Variants in SEMA3C observed in about 807,000 individuals in gnomAD.
SEMA3C encodes semaphorin-3C.
SEMA3C carries 47 observed loss-of-function variants against 89.4 expected under a neutral mutation model. That is an observed-to-expected ratio of 0.53 (90% CI 0.42 to 0.67). The LOEUF is 0.67. Ranked by LOEUF, SEMA3C falls within the 30% of genes least tolerant of loss-of-function variation. The pLI is 0.00. For synonymous variants in SEMA3C, 310 were observed against 320.2 expected (o/e 0.97, Z 0.34); for missense variants, 839 against 929.1 (o/e 0.90, Z 1.26).
intron 2 of SEMA3C, among the ~76,000 whole-genome samples, chr7:80,871,918 C>T (rs1318901539): frequency 6.6e-6 from 1 of 151,954 alleles, no homozygotes; most frequent in South Asian, 2.1e-4. Flanking sequence ...CCATAAAATG[C>T]ATTACATAGT....
intron 2 of SEMA3C, among the ~76,000 whole-genome samples, chr7:80,897,242 T>C (rs906802363): frequency 7.2e-5 from 11 of 152,236 alleles, no homozygotes; most frequent in Admixed American, 6.5e-5. Context: ...GGAAACATTG[T>C]ATTTGGGAAT....
intron 2 of SEMA3C, among the ~76,000 whole-genome samples, chr7:80,849,530 T>A (rs774419840): frequency 6.6e-6 from 1 of 152,144 alleles, no homozygotes; most frequent in Non-Finnish European, 1.5e-5. Context: ...ATATATTAGA[T>A]AATGATGCAC....
At chr7:80,836,672 C>T (rs145143946) in intron 2 of SEMA3C, among the ~76,000 whole-genome samples, 12 of 146,660 alleles carry the variant, frequency 8.2e-5, no homozygotes, top group South Asian at 2.2e-4. Flanking sequence ...AGGGAGACTC[C>T]ATCTCAAAAA....
chr7:80,751,367 G>A (rs761798296), intron 15 of SEMA3C, 31 bp from the exon 16 acceptor site: 4 of 1,585,488 alleles, frequency 2.5e-6, no homozygotes, highest in African/African-American at 2.7e-5. Flanking sequence ...AAAAGTGACT[G>A]AGAATTATCA....
At position 80,758,377 on chromosome 7, in the gene SEMA3C, C is replaced by A. The variant is rs746317852; in HGVS notation, c.1597G>T (p.Ala533Ser). The change falls in exon 15 of 18, where the codon GCC (alanine) becomes TCC (serine). Residue 533 changes from alanine (A) to serine (S), a missense_variant. Transcript: ENST00000265361. Reference protein sequence around the residue: ...DCCLARDPYCAWDGHSCSRFY... With the variant: ...DCCLARDPYCSWDGHSCSRFY... ...CTGGAACAGGAATGGCCATCCCAGG[C>A]GCAATAAGGGTCCCGCGCCAGGCAG... 11 of 1,613,834 alleles carry A rather than the reference C, an allele frequency of 6.8e-6. No homozygotes were observed. The highest frequency in any genetic ancestry group is 4.5e-5 in the East Asian group (2 of 44,894).
intron 12 of SEMA3C, among the ~76,000 whole-genome samples, chr7:80,772,622 T>C (rs1788459163): frequency 6.6e-6 from 1 of 152,090 alleles, no homozygotes. Context: ...CTAATCATCT[T>C]CCCAAGAGTG....
rs897692175 is a variant in SEMA3C at position 80,766,454 on chromosome 7, A to G, written c.1355-1211T>C. 4.6e-5 allele frequency among the ~76,000 whole-genome samples: 7 copies of G among 152,300 alleles called. No homozygotes were observed. The East Asian group carries it at 1.4e-3, about 29-fold the overall frequency. On this transcript the variant is annotated intron_variant, in intron 12 of 17. Transcript: ENST00000265361. ...TCCGCAGGCATACGCCGGGTAAATG[A>G]CTTTGTAACTTTACTTCATCTTCTT... is the stretch of plus-strand genomic sequence containing the variant.
intron 2 of SEMA3C, among the ~76,000 whole-genome samples, chr7:80,833,619 T>C (rs1359880892): frequency 1.1e-3 from 169 of 152,308 alleles, no homozygotes; most frequent in Non-Finnish European, 4.4e-5. Context: ...TTTAATTACC[T>C]ATGGCTTACT....
At chr7:80,892,258 T>C (rs185319967) in intron 2 of SEMA3C, among the ~76,000 whole-genome samples, 1 of 152,174 alleles carries the variant, frequency 6.6e-6, no homozygotes, top group Non-Finnish European at 1.5e-5. Context: ...TAATGTTTTA[T>C]AATTAAAAGT....
rs578105032 is a variant in SEMA3C, at chr7:80,788,051, A to T, written c.1354+1255T>A. ...AGATATGGGGTTTTCAAGAATAAAA[A>T]AAGGATAAAATAAAAACCTTATCTT... On this transcript the variant is annotated intron_variant, in intron 12 of 17. Coordinates refer to ENST00000265361, the MANE Select transcript of SEMA3C (RefSeq NM_006379.5). Among the ~76,000 whole-genome samples, 203 of 152,340 alleles carry T rather than the reference A, an allele frequency of 1.3e-3. 1 individual carries two copies. Among genetic ancestry groups the T allele is most frequent in the African/African-American group, 4.3e-3 (177 of 41,584 alleles).
intron 2 of SEMA3C, among the ~76,000 whole-genome samples, chr7:80,873,731 G>T (rs571460862): frequency 2.2e-3 from 340 of 152,220 alleles, no homozygotes; most frequent in African/African-American, 7.6e-3. Flanking sequence ...TTTCGTTTTT[G>T]ATTTTAAGTG....
At chr7:80,842,141 A>G (rs1790284134) in intron 2 of SEMA3C, among the ~76,000 whole-genome samples, 1 of 152,164 alleles carries the variant, frequency 6.6e-6, no homozygotes. Flanking sequence ...ACATAGTAAT[A>G]GAGCCACCCT....
intron 16 of SEMA3C, among the ~76,000 whole-genome samples, chr7:80,750,784 T>C (rs1191381092): frequency 6.6e-6 from 1 of 151,830 alleles, no homozygotes; most frequent in Non-Finnish European, 1.5e-5. Flanking sequence ...TAGTTTCAGT[T>C]GGGGAAGATG....
At chr7:80,887,211 C>A (rs1791504454) in intron 2 of SEMA3C, among the ~76,000 whole-genome samples, 1 of 152,050 alleles carries the variant, frequency 6.6e-6, no homozygotes, top group African/African-American at 2.4e-5. Flanking sequence ...TAAGTGTCTG[C>A]AAAGTTTTAA....
Position 80,835,000 on chromosome 7 carries a change from C to T in SEMA3C, c.104-6255G>A, listed in dbSNP as rs1346175540. Among the ~76,000 whole-genome samples, 5 of 151,912 alleles carry T rather than the reference C, an allele frequency of 3.3e-5. No individual in the cohort carries two copies. In the East Asian group the frequency reaches 7.7e-4, roughly 23 times the overall value. ...TTGGCTGAATCCATGGATGTGATACCTACAATTCAGAGTGCCAATTGTATA... is the reference window on the plus strand; with the variant it reads ...TTGGCTGAATCCATGGATGTGATACTTACAATTCAGAGTGCCAATTGTATA... On this transcript the variant is annotated intron_variant, in intron 2 of 17. Transcript: ENST00000265361.
At chr7:80,774,533 A>G (rs1276185441) in intron 12 of SEMA3C, among the ~76,000 whole-genome samples, 1 of 152,212 alleles carries the variant, frequency 6.6e-6, no homozygotes, top group East Asian at 1.9e-4. Context: ...TCAGCCAAAC[A>G]AAATGGAAAT....
At chr7:80,754,122 A>G (rs1307167648) in intron 15 of SEMA3C, among the ~76,000 whole-genome samples, 3 of 152,158 alleles carry the variant, frequency 2.0e-5, no homozygotes, top group Admixed American at 6.5e-5. Flanking sequence ...TTTTTAGTAG[A>G]GACGGGGTTT....
chr7:80,867,046 T>C (rs1178906815), intron 2 of SEMA3C, among the ~76,000 whole-genome samples: 5 of 152,218 alleles, frequency 3.3e-5, no homozygotes, highest in African/African-American at 1.2e-4. Context: ...GCACTGCCTA[T>C]TGGGATAATC....
chr7:80,845,050 C>T (rs1790357591), intron 2 of SEMA3C, among the ~76,000 whole-genome samples: 2 of 152,112 alleles, frequency 1.3e-5, no homozygotes, highest in African/African-American at 4.8e-5. Flanking sequence ...AGAAACCGCT[C>T]TTGTTGAATC....
Sources: allele counts gnomAD v4.1 joint callset (sites outside exome capture counted in the v4.1 genomes callset), GRCh38; gene constraint gnomAD v4.1.1; transcripts MANE v1.5; gene names NCBI Gene and HGNC (gene_info 2026-07-23, HGNC 2026-07-21).